The following TFCP2L1 variants were observed in gnomAD, a reference collection of about 807,000 sequenced individuals.
The protein encoded by TFCP2L1 is transcription factor CP2 like 1.
TFCP2L1 carries 12 observed loss-of-function variants against 72.2 expected under a neutral mutation model. The observed-to-expected ratio is 0.17, with a 90% CI of 0.11 to 0.27. The LOEUF (loss-of-function observed/expected upper bound fraction) is 0.27. Among genes scored for constraint, TFCP2L1 ranks in the 10% least tolerant of loss-of-function variants. The pLI is 1.00. For synonymous variants in TFCP2L1, 260 were observed against 251.0 expected (o/e 1.04, Z -0.34); for missense variants, 488 against 624.6 (o/e 0.78, Z 2.33).
chr2:121,238,816 C>T (rs961525307), intron 8 of TFCP2L1, among the ~76,000 whole-genome samples: 5 of 152,004 alleles, frequency 3.3e-5, no homozygotes, highest in Admixed American at 6.6e-5. Context: ...TGTCTACCCC[C>T]GCTTCCCTGG....
At position 121,269,874 on chromosome 2, in the gene TFCP2L1, A is replaced by C. The variant is rs538043138; in HGVS notation, c.214+11246T>G. 4.1e-5 allele frequency among the ~76,000 whole-genome samples: 6 copies of C among 146,064 alleles called. No individual in the cohort carries two copies. The East Asian group carries it at 1.3e-3, about 31-fold the overall frequency. On this transcript the variant is annotated intron_variant, in intron 2 of 14. Coordinates refer to ENST00000263707, the MANE Select transcript of TFCP2L1 (RefSeq NM_014553.3). ...CAGTGAGCAGAGATTGCGCCACTGC[A>C]CACCAGCCTGGGTGACAGAGCAAGA...
chr2:121,268,924 A>G (rs1438595407), intron 2 of TFCP2L1, among the ~76,000 whole-genome samples: 1 of 151,578 alleles, frequency 6.6e-6, no homozygotes, highest in African/African-American at 2.4e-5. Context: ...TTGTGGGACA[A>G]TGTGATGATG....
intron 2 of TFCP2L1, among the ~76,000 whole-genome samples, chr2:121,265,029 G>A (rs1170076448): frequency 1.3e-5 from 2 of 152,040 alleles, no homozygotes; most frequent in Admixed American, 6.6e-5. Flanking sequence ...TTACACAAAG[G>A]CTCACAACAG....
chr2:121,273,984 C>G lies in TFCP2L1; in HGVS notation c.214+7136G>C, dbSNP rs537175555. 2.6e-5 allele frequency among the ~76,000 whole-genome samples: 4 copies of G among 151,636 alleles called. No individual in the cohort carries two copies. In the South Asian group the frequency reaches 8.3e-4, roughly 32 times the overall value. ...TAGTGGGCGCCTGTAACCCCAGCTACTCGGGAGGCTGAGGCAGGAGAATCG... is the reference window on the plus strand; with the variant it reads ...TAGTGGGCGCCTGTAACCCCAGCTAGTCGGGAGGCTGAGGCAGGAGAATCG... On this transcript the variant is annotated intron_variant, in intron 2 of 14. Transcript: ENST00000263707.
intron 10 of TFCP2L1, among the ~76,000 whole-genome samples, chr2:121,235,677 C>T (rs1196227301): frequency 2.0e-5 from 3 of 150,596 alleles, no homozygotes; most frequent in Admixed American, 6.6e-5. Flanking sequence ...ACCTCAGCCT[C>T]TCAAAGTACT....
At position 121,248,956 on chromosome 2, in the gene TFCP2L1, T is replaced by C. The variant is rs1304742891; in HGVS notation, c.397+26A>G. The C allele has an allele frequency of 3.2e-6, 5 of 1,538,862 alleles. No homozygotes were observed. The African/African-American group carries it at 6.9e-5, about 21-fold the overall frequency. On this transcript the variant is annotated intron_variant, in intron 4 of 14. Coordinates refer to ENST00000263707, the MANE Select transcript of TFCP2L1 (RefSeq NM_014553.3). ...TGGCCTGGGTGCCTCGAGCCTTGCCTGGCCTCTCCTGGCCAGGAGACTCAC... is the reference window on the plus strand; with the variant it reads ...TGGCCTGGGTGCCTCGAGCCTTGCCCGGCCTCTCCTGGCCAGGAGACTCAC...
chr2:121,261,435 C>T (rs917164676), intron 2 of TFCP2L1, among the ~76,000 whole-genome samples: 2 of 152,094 alleles, frequency 1.3e-5, no homozygotes, highest in Non-Finnish European at 2.9e-5. Context: ...CATGTCAGAG[C>T]AACACAAGCA....
Position 121,224,150 on chromosome 2 carries a change from G to A in TFCP2L1, c.*191C>T. 1 of 614,156 alleles carries A rather than the reference G, an allele frequency of 1.6e-6. No homozygotes were observed. The highest frequency in any genetic ancestry group is 2.9e-6 in the Non-Finnish European group (1 of 348,704). The allele number at this position is 614,156 out of a possible 1,614,324, so 38.0% of individuals were successfully genotyped here. On this transcript the variant is annotated 3_prime_UTR_variant, in exon 15 of 15. Coordinates refer to ENST00000263707, the MANE Select transcript of TFCP2L1 (RefSeq NM_014553.3). ...AAGAGGAAGGGAGAAAGGAGCCACTGGCTTTCTGTACACCGTACTTGGTGT... is the reference window on the plus strand; with the variant it reads ...AAGAGGAAGGGAGAAAGGAGCCACTAGCTTTCTGTACACCGTACTTGGTGT...
chr2:121,266,536 C>T (rs1198121563), intron 2 of TFCP2L1, among the ~76,000 whole-genome samples: 4 of 152,208 alleles, frequency 2.6e-5, no homozygotes, highest in Non-Finnish European at 4.4e-5. Flanking sequence ...TAGAGGCAGA[C>T]AACAGCAGGG....
intron 10 of TFCP2L1, among the ~76,000 whole-genome samples, chr2:121,237,356 A>AC (rs952644191): frequency 6.6e-6 from 1 of 151,658 alleles, no homozygotes; most frequent in African/African-American, 2.4e-5. Context: ...GAGCCCACCA[A>AC]CCCCCCGCAG....
chr2:121,266,644 G>A (rs938799905), intron 2 of TFCP2L1, among the ~76,000 whole-genome samples: 2 of 152,108 alleles, frequency 1.3e-5, no homozygotes, highest in African/African-American at 4.8e-5. Flanking sequence ...ATCAAGTCAC[G>A]AAATGAAATT....
At chr2:121,278,579 G>T (rs1687193687) in intron 2 of TFCP2L1, among the ~76,000 whole-genome samples, 1 of 150,560 alleles carries the variant, frequency 6.6e-6, no homozygotes, top group Non-Finnish European at 1.5e-5. Context: ...CCAGCTACTT[G>T]GGAGGCTGAA....
chr2:121,269,671 G>C (rs1687004232), intron 2 of TFCP2L1, among the ~76,000 whole-genome samples: 1 of 151,896 alleles, frequency 6.6e-6, no homozygotes, highest in Non-Finnish European at 1.5e-5. Flanking sequence ...CCAGCACTCT[G>C]GGAGGCTGCA....
At chr2:121,270,778 A>G (rs1573393349) in intron 2 of TFCP2L1, among the ~76,000 whole-genome samples, 1 of 151,942 alleles carries the variant, frequency 6.6e-6, no homozygotes, top group Admixed American at 6.6e-5. Context: ...TGAGGAGGGG[A>G]AAATTGCTTG....
chr2:121,270,626 G>A (rs1033716647), intron 2 of TFCP2L1, among the ~76,000 whole-genome samples: 2 of 152,098 alleles, frequency 1.3e-5, no homozygotes, highest in Non-Finnish European at 2.9e-5. Context: ...TGATTGTAGT[G>A]TAACCAGTAA....
At chr2:121,236,114 C>A (rs1044248252) in intron 10 of TFCP2L1, among the ~76,000 whole-genome samples, 7 of 152,220 alleles carry the variant, frequency 4.6e-5, no homozygotes, top group Admixed American at 2.6e-4. Context: ...TATTACCTAT[C>A]ATTGTGTGAC....
intron 2 of TFCP2L1, among the ~76,000 whole-genome samples, chr2:121,260,342 A>G (rs1686806591): frequency 6.6e-6 from 1 of 152,178 alleles, no homozygotes; most frequent in African/African-American, 2.4e-5. Flanking sequence ...GAGTTCTTAA[A>G]TCTCTCAGCA....
Position 121,246,848 on chromosome 2 carries a change from G to A in TFCP2L1, c.627C>T (p.His209=), listed in dbSNP as rs761514697. 8 of 1,614,214 alleles carry A rather than the reference G, an allele frequency of 5.0e-6. No homozygotes were observed. The highest frequency in any genetic ancestry group is 1.7e-6 in the Non-Finnish European group (2 of 1,180,040). The change falls in exon 6 of 15, where the codon CAC becomes CAT. Residue 209 remains histidine (H), a synonymous_variant. Transcript: ENST00000263707. The stretch of plus-strand genomic sequence containing the variant: ...ACACCTTGATCTGGCAGCTGGCTGA[G>A]TGCAGGTGCTCCGTGTACTCCCCAT... ...NENGEYTEHL[H]SASCQIKVFK...
At chr2:121,241,022 AC>A (rs1169395693) in intron 7 of TFCP2L1, among the ~76,000 whole-genome samples, 2 of 152,218 alleles carry the variant, frequency 1.3e-5, no homozygotes, top group African/African-American at 4.8e-5. Context: ...CTCACCCCTA[AC>A]AGCCTTAATC....
Sources: allele counts gnomAD v4.1 joint callset (sites outside exome capture counted in the v4.1 genomes callset), GRCh38; gene constraint gnomAD v4.1.1; transcripts MANE v1.5; gene names NCBI Gene and HGNC (gene_info 2026-07-23, HGNC 2026-07-21).